The following LMX1A variants were observed in gnomAD, a reference collection of about 807,000 sequenced individuals.
The protein encoded by LMX1A is LIM homeobox transcription factor 1 alpha.
LMX1A carries 15 observed loss-of-function variants against 49.1 expected under a neutral mutation model. The ratio of observed to expected loss-of-function variants is 0.31; its 90% CI spans 0.20 to 0.47. The LOEUF (loss-of-function observed/expected upper bound fraction) is 0.47, where lower values mean the gene tolerates loss of function less well. Among genes scored for constraint, LMX1A ranks in the 20% least tolerant of loss-of-function variants. LMX1A has a pLI of 1.00. For missense variants in LMX1A, 372 were observed against 475.8 expected (o/e 0.78, Z 2.03); for synonymous variants, 167 against 185.7 (o/e 0.90, Z 0.82).
At chr1:165,275,325 T>G (rs1571195316) in intron 3 of LMX1A, among the ~76,000 whole-genome samples, 1 of 152,328 alleles carries the variant, frequency 6.6e-6, no homozygotes, top group East Asian at 1.9e-4. Context: ...TTAATGGCAG[T>G]TATTCATTAG....
chr1:165,347,196 G>GA (rs948199152), intron 3 of LMX1A, among the ~76,000 whole-genome samples: 3 of 152,038 alleles, frequency 2.0e-5, no homozygotes, highest in Non-Finnish European at 4.4e-5. Context: ...GCACAAAGGG[G>GA]AAAAAAGGCA....
chr1:165,243,269 A>G (rs1381170194), intron 4 of LMX1A, among the ~76,000 whole-genome samples: 1 of 152,210 alleles, frequency 6.6e-6, no homozygotes, highest in Non-Finnish European at 1.5e-5. Flanking sequence ...TCTGATTTTA[A>G]AAGAAAATGT....
intron 3 of LMX1A, among the ~76,000 whole-genome samples, chr1:165,319,003 A>T (rs34449722): frequency 0.55 from 52,793 of 96,326 alleles, 10,694 homozygotes; most frequent in Middle Eastern, 0.63. Flanking sequence ...TCTCTCTCAC[A>T]CACACACACA....
At chr1:165,279,430 A>G (rs1197192150) in intron 3 of LMX1A, among the ~76,000 whole-genome samples, 1 of 151,894 alleles carries the variant, frequency 6.6e-6, no homozygotes, top group Non-Finnish European at 1.5e-5. Flanking sequence ...AATTCATTGT[A>G]TTAATTTTCC....
At position 165,249,467 on chromosome 1, in the gene LMX1A, C is replaced by G; in HGVS notation, c.437G>C (p.Gly146Ala). The change falls in exon 4 of 9, where the codon GGG (glycine) becomes GCG (alanine). Residue 146 changes from glycine to alanine, a missense_variant. Gly to Ala is a moderately conservative substitution (Grantham distance 60, BLOSUM62 0). Around this residue, in one of 3 missense-constraint regions of LMX1A, gnomAD observed 199 missense variants for 244.0 expected, o/e 0.82. Transcript: ENST00000342310. ...VLKEGQLLCK[G>A]DYEKERELLS... ...CAGCTCCCGCTCCTTCTCATAGTCC[C>G]CTTTGCAGAGCAGCTGCCCCTCCTT... 6.2e-7 allele frequency: 1 copy of G among 1,614,156 alleles called. No homozygotes were observed. The highest frequency in any genetic ancestry group is 1.7e-5 in the Admixed American group (1 of 60,018).
intron 4 of LMX1A, among the ~76,000 whole-genome samples, chr1:165,216,754 T>C (rs987319793): frequency 6.6e-6 from 1 of 152,220 alleles, no homozygotes; most frequent in Admixed American, 6.5e-5. Flanking sequence ...ATAATGATAA[T>C]GGTTCATTTA....
chr1:165,231,291 G>GTTT (rs201850414), intron 4 of LMX1A, among the ~76,000 whole-genome samples: 1 of 142,034 alleles, frequency 7.0e-6, no homozygotes, highest in Non-Finnish European at 1.6e-5. Flanking sequence ...AACTGGCTTA[G>GTTT]TTTTTTTTTT....
Position 165,213,824 on chromosome 1 carries a change from C to G in LMX1A, c.497-11G>C. ...CATCATCACTTTTACCTGAAAGAAGCAAAAGACAATGTTGTGAGTCCCTGA... is the reference window on the plus strand; with the variant it reads ...CATCATCACTTTTACCTGAAAGAAGGAAAAGACAATGTTGTGAGTCCCTGA... On this transcript the variant is annotated splice_polypyrimidine_tract_variant and intron_variant, in intron 4 of 8. Transcript: ENST00000342310. The G allele has an allele frequency of 6.2e-7, 1 of 1,613,262 alleles. No individual in the cohort carries two copies.
intron 3 of LMX1A, among the ~76,000 whole-genome samples, chr1:165,317,833 C>T (rs1162924341): frequency 1.3e-5 from 2 of 152,210 alleles, no homozygotes; most frequent in African/African-American, 4.8e-5. Flanking sequence ...TTATCCTCTG[C>T]GTAATTCATT....
chr1:165,219,100 T>C (rs1225772441), intron 4 of LMX1A: 1 of 152,118 alleles, frequency 6.6e-6, no homozygotes, highest in Non-Finnish European at 1.5e-5. Flanking sequence ...AAATCTGGAA[T>C]GGTTCAGGGC....
chr1:165,300,597 A>G (rs967652643), intron 3 of LMX1A, among the ~76,000 whole-genome samples: 1 of 152,220 alleles, frequency 6.6e-6, no homozygotes, highest in Non-Finnish European at 1.5e-5. Flanking sequence ...ATAACTGACC[A>G]CAAAACAGCC....
intron 3 of LMX1A, among the ~76,000 whole-genome samples, chr1:165,344,327 A>C (rs1209101140): frequency 2.0e-5 from 3 of 152,228 alleles, no homozygotes; most frequent in Non-Finnish European, 4.4e-5. Flanking sequence ...TCATTACCAG[A>C]GAACACATGC....
At chr1:165,278,158 C>T (rs908639378) in intron 3 of LMX1A, among the ~76,000 whole-genome samples, 3 of 152,204 alleles carry the variant, frequency 2.0e-5, no homozygotes, top group Non-Finnish European at 2.9e-5. Flanking sequence ...AGAATTCAAA[C>T]TCAGGCCACT....
chr1:165,354,271 C>G (rs967673520), intron 2 of LMX1A, among the ~76,000 whole-genome samples: 1 of 152,078 alleles, frequency 6.6e-6, no homozygotes, highest in Non-Finnish European at 1.5e-5. Context: ...GCCACCGGCT[C>G]GGGAGCTGGG....
chr1:165,246,469 C>T (rs906785469), intron 4 of LMX1A, among the ~76,000 whole-genome samples: 2 of 152,108 alleles, frequency 1.3e-5, no homozygotes, highest in African/African-American at 4.8e-5. Context: ...CCCCTCCCAC[C>T]TCATCAATAT....
intron 4 of LMX1A, among the ~76,000 whole-genome samples, chr1:165,230,645 A>T (rs16841316): frequency 6.6e-6 from 1 of 152,184 alleles, no homozygotes; most frequent in Non-Finnish European, 1.5e-5. Context: ...AACATGCTGG[A>T]AAACAGCACA....
At chr1:165,261,455 CAATGCTGTGG>C (rs1212167948) in intron 3 of LMX1A, among the ~76,000 whole-genome samples, 1 of 152,048 alleles carries the variant, frequency 6.6e-6, no homozygotes, top group Non-Finnish European at 1.5e-5. Context: ...TAAAATGGTG[CAATGCTGTGG>C]AATGCGGTAC....
chr1:165,330,397 G>A (rs1655712845), intron 3 of LMX1A, among the ~76,000 whole-genome samples: 1 of 152,204 alleles, frequency 6.6e-6, no homozygotes, highest in Non-Finnish European at 1.5e-5. Context: ...GTTGAACCCA[G>A]GAGGTTGAGG....
chr1:165,267,028 A>G (rs1283397718), intron 3 of LMX1A, among the ~76,000 whole-genome samples: 1 of 150,916 alleles, frequency 6.6e-6, no homozygotes, highest in African/African-American at 2.4e-5. Context: ...AAATTCATAG[A>G]TTTCAAAGGG....
Sources: gnomAD v4.1 joint callset for allele counts (sites outside exome capture counted in the v4.1 genomes callset) on GRCh38, gnomAD v4.1.1 for gene constraint, gnomAD v4.1.1 regional missense constraint, MANE v1.5 for transcripts, NCBI Gene and HGNC (gene_info 2026-07-23, HGNC 2026-07-21) for gene names.